Variants in VSNL1 observed in about 807,000 individuals in gnomAD.
The protein encoded by VSNL1 is visinin like 1, also known as visinin-like protein 1.
A neutral mutation model predicts 20.4 loss-of-function variants in VSNL1; 6 were observed. The observed-to-expected ratio is 0.29, with a 90% CI of 0.16 to 0.58. The LOEUF is 0.58. Among genes scored for constraint, VSNL1 ranks in the 20% least tolerant of loss-of-function variants. The pLI is 0.90. For missense variants in VSNL1, 100 were observed against 234.5 expected, an observed-to-expected ratio of 0.43 and a Z score of 3.75; for synonymous variants, 93 against 86.4, an observed-to-expected ratio of 1.08 and a Z score of -0.42.
intron 1 of VSNL1, among the ~76,000 whole-genome samples, chr2:17,591,848 A>G (rs946426330): frequency 3.3e-5 from 5 of 152,122 alleles, no homozygotes; most frequent in African/African-American, 1.2e-4. Context: ...ACAATGAGGT[A>G]AAGAGTGAAT....
chr2:17,630,137 C>T (rs551814208), intron 2 of VSNL1, among the ~76,000 whole-genome samples: 13 of 152,356 alleles, frequency 8.5e-5, no homozygotes, highest in Admixed American at 7.8e-4. Flanking sequence ...GTGTATTTTA[C>T]TTGTAGCTTG....
rs1165654317 is a variant in VSNL1, at chr2:17,656,027, G to T, written c.*633G>T. The T allele has an allele frequency of 6.6e-6, 1 of 152,606 alleles. No homozygotes were observed. Among genetic ancestry groups the T allele is most frequent in the Admixed American group, 6.5e-5 (1 of 15,280 alleles). The allele number at this position is 152,606 out of a possible 1,614,324, so 9.5% of individuals were successfully genotyped here. On this transcript the variant is annotated 3_prime_UTR_variant, in exon 4 of 4. Transcript: ENST00000295156. ...ATAAAATGTAAAAACCCTGCTAAATGACTTATTGATTAAGTATATCTATCT... is the reference window on the plus strand; with the variant it reads ...ATAAAATGTAAAAACCCTGCTAAATTACTTATTGATTAAGTATATCTATCT...
intron 3 of VSNL1, among the ~76,000 whole-genome samples, chr2:17,654,982 A>G (rs1666195218): frequency 6.6e-6 from 1 of 152,164 alleles, no homozygotes. Context: ...GGGAAGACAA[A>G]GCAGTTATTT....
At chr2:17,617,886 C>CACATGCACATGCACATGCACGT (rs1553302981) in intron 2 of VSNL1, among the ~76,000 whole-genome samples, 12 of 93,568 alleles carry the variant, frequency 1.3e-4, no homozygotes, top group Non-Finnish European at 2.1e-4. Flanking sequence ...TGCACATGCA[C>CACATGCACATGCACATGCACGT]GCGCACACAC....
chr2:17,552,696 T>A (rs1404309835), intron 1 of VSNL1, among the ~76,000 whole-genome samples: 2 of 152,178 alleles, frequency 1.3e-5, no homozygotes, highest in Non-Finnish European at 2.9e-5. Flanking sequence ...TATCATCAAA[T>A]ATAAAGCCAG....
chr2:17,564,635 G>A (rs557644442), intron 1 of VSNL1, among the ~76,000 whole-genome samples: 1 of 151,886 alleles, frequency 6.6e-6, no homozygotes, highest in South Asian at 2.1e-4. Flanking sequence ...TTACAAATTT[G>A]TGTTAAACGG....
At chr2:17,551,738 T>C (rs1322653084) in intron 1 of VSNL1, among the ~76,000 whole-genome samples, 1 of 152,078 alleles carries the variant, frequency 6.6e-6, no homozygotes. Flanking sequence ...TAGAAGACCA[T>C]GTACTTAGAA....
intron 2 of VSNL1, among the ~76,000 whole-genome samples, chr2:17,616,951 G>C (rs1257442026): frequency 6.6e-6 from 1 of 152,064 alleles, no homozygotes; most frequent in African/African-American, 2.4e-5. Flanking sequence ...ACAGAGAATG[G>C]CCTCCTTTGA....
chr2:17,570,318 T>C (rs925545296), intron 1 of VSNL1, among the ~76,000 whole-genome samples: 1 of 152,180 alleles, frequency 6.6e-6, no homozygotes, highest in African/African-American at 2.4e-5. Context: ...CTTGGGAGAA[T>C]CACTTATTAG....
chr2:17,622,237 G>T (rs1665376535), intron 2 of VSNL1, among the ~76,000 whole-genome samples: 1 of 151,524 alleles, frequency 6.6e-6, no homozygotes, highest in African/African-American at 2.4e-5. Context: ...AATCAGGCTG[G>T]GCATGGTGCC....
intron 1 of VSNL1, among the ~76,000 whole-genome samples, chr2:17,542,977 G>A (rs1225643237): frequency 6.6e-6 from 1 of 152,182 alleles, no homozygotes; most frequent in Non-Finnish European, 1.5e-5. Context: ...GTAATGTTGA[G>A]TGGAAATGTT....
chr2:17,565,919 C>T (rs62131525), intron 1 of VSNL1, among the ~76,000 whole-genome samples: 5,031 of 152,226 alleles, frequency 0.033, 88 homozygotes, highest in East Asian at 0.098. Flanking sequence ...TAAGGGTCTT[C>T]CTTGCTTCAA....
intron 2 of VSNL1, among the ~76,000 whole-genome samples, chr2:17,629,063 G>A (rs916949986): frequency 2.0e-5 from 3 of 152,194 alleles, no homozygotes; most frequent in African/African-American, 4.8e-5. Flanking sequence ...CAGCTAAATC[G>A]CCTGTCTCTG....
At chr2:17,587,856 TA>T (rs1180391865) in intron 1 of VSNL1, among the ~76,000 whole-genome samples, 1 of 152,162 alleles carries the variant, frequency 6.6e-6, no homozygotes, top group Non-Finnish European at 1.5e-5. Flanking sequence ...TTTAATGCTG[TA>T]AAAAAGGGGT....
At chr2:17,579,860 G>C (rs1664309815) in intron 1 of VSNL1, among the ~76,000 whole-genome samples, 1 of 152,178 alleles carries the variant, frequency 6.6e-6, no homozygotes. Flanking sequence ...TTCACAGGTA[G>C]ATCAAAGACC....
intron 1 of VSNL1, among the ~76,000 whole-genome samples, chr2:17,577,862 C>A (rs954521367): frequency 6.6e-6 from 1 of 152,166 alleles, no homozygotes; most frequent in Non-Finnish European, 1.5e-5. Context: ...TCTAATCTGA[C>A]AGAATAGTTT....
intron 2 of VSNL1, among the ~76,000 whole-genome samples, chr2:17,616,389 A>C (rs1435710117): frequency 1.3e-5 from 2 of 152,210 alleles, no homozygotes; most frequent in Non-Finnish European, 2.9e-5. Flanking sequence ...ATGAGCTCCA[A>C]TCGGTGACTT....
intron 1 of VSNL1, among the ~76,000 whole-genome samples, chr2:17,566,550 T>C (rs1251128436): frequency 1.3e-5 from 2 of 152,214 alleles, no homozygotes; most frequent in East Asian, 3.8e-4. Flanking sequence ...GCCTATTTTT[T>C]AATAGGATTG....
chr2:17,577,003 A>C (rs1664229672), intron 1 of VSNL1, among the ~76,000 whole-genome samples: 3 of 152,244 alleles, frequency 2.0e-5, no homozygotes, highest in African/African-American at 7.2e-5. Flanking sequence ...GTCCTTACAC[A>C]TACCTAGACG....
Sources: allele counts gnomAD v4.1 joint callset (sites outside exome capture counted in the v4.1 genomes callset), GRCh38; gene constraint gnomAD v4.1.1; transcripts MANE v1.5; gene names NCBI Gene and HGNC (gene_info 2026-07-23, HGNC 2026-07-21).